Variants in ZNF600 observed in about 807,000 individuals in gnomAD.
The protein encoded by ZNF600 is zinc finger protein 600, also known as zinc finger protein KR-ZNF1.
A neutral mutation model predicts 7.3 loss-of-function variants in ZNF600; 4 were observed. The ratio of observed to expected loss-of-function variants is 0.55; its 90% CI spans 0.27 to 1.25. The LOEUF (loss-of-function observed/expected upper bound fraction) is 1.25. ZNF600 is among the 50% of genes most tolerant of loss of function. The pLI is 0.12. For synonymous variants in ZNF600, 290 were observed against 308.9 expected (o/e 0.94, Z 0.64); for missense variants, 911 against 922.1 (o/e 0.99, Z 0.16).
the ZNF600 span, among the ~76,000 whole-genome samples, chr19:52,827,909 C>T: frequency 1.7e-3 from 260 of 152,120 alleles, 1 homozygote; most frequent in South Asian, 3.1e-3. Context: ...TGCGAGCAAA[C>T]GTGTCACGCA....
chr19:52,800,152 G>C, the ZNF600 span: 11 of 1,613,776 alleles, frequency 6.8e-6, no homozygotes, highest in Non-Finnish European at 8.5e-7. Context: ...CTTTCCATGT[G>C]TGATTTGCGA....
In ZNF600 at chr19:52,780,588, A is replaced by C. The variant is rs1179481903; in HGVS notation, c.-19-1681T>G. On this transcript the variant is annotated intron_variant, in intron 1 of 3. It adds an upstream start codon to the 5' untranslated region. Transcript: ENST00000648973. ...ACATGTTTCTCCCACAACCTTAAAG[A>C]ATTTTGAAAGTCGACTGTGATCCCA... The C allele has an allele frequency of 6.6e-6, 1 of 152,116 alleles. No homozygotes were observed. Among genetic ancestry groups the C allele is most frequent in the Admixed American group, 6.6e-5 (1 of 15,256 alleles). 9.4% of individuals were successfully genotyped at this position (152,116 alleles called of 1,614,324 possible).
upstream of ZNF600, among the ~76,000 whole-genome samples, chr19:52,788,550 A>T (rs1185484216): frequency 6.6e-6 from 1 of 152,186 alleles, no homozygotes; most frequent in Admixed American, 6.5e-5. Context: ...ACCAGAGATT[A>T]TGTGGAGATA....
chr19:52,810,831 A>T, the ZNF600 span: 1 of 254,454 alleles, frequency 3.9e-6, no homozygotes. Flanking sequence ...TATATTTTTA[A>T]AAAAAGAGTC....
Position 52,778,916 on chromosome 19 carries a change from GA to G in ZNF600, c.-19-10del. On this transcript the variant is annotated splice_polypyrimidine_tract_variant and intron_variant, in intron 1 of 3. Coordinates refer to ENST00000648973, the Ensembl canonical transcript of ZNF600. Reference sequence around the variant, plus strand: ...GTCTTTAGGAATCAATCCTGTATGTGAAAAAAAATGAGACTTCTTGTTAGAA... The same window carrying G: ...GTCTTTAGGAATCAATCCTGTATGTGAAAAAAATGAGACTTCTTGTTAGAA... 67 of 1,574,374 alleles carry G rather than the reference GA, an allele frequency of 4.3e-5. No homozygotes were observed. The highest frequency in any genetic ancestry group is 1.2e-4 in the South Asian group (10 of 86,224).
At chr19:52,806,659 T>G in the ZNF600 span, among the ~76,000 whole-genome samples, 2 of 149,370 alleles carry the variant, frequency 1.3e-5, no homozygotes, top group Admixed American at 6.7e-5. Flanking sequence ...CCCAGTGTTT[T>G]GGGAATCTGA....
chr19:52,787,253 C>A (rs567335363), upstream of ZNF600, among the ~76,000 whole-genome samples: 11 of 151,880 alleles, frequency 7.2e-5, no homozygotes. Flanking sequence ...AGCAGGGATG[C>A]GGGCACGAGG....
At chr19:52,779,724 T>C (rs972948172) in intron 1 of ZNF600, among the ~76,000 whole-genome samples, 3 of 152,110 alleles carry the variant, frequency 2.0e-5, no homozygotes, top group Non-Finnish European at 4.4e-5. Flanking sequence ...CATGTCTGAG[T>C]GCCTCCTTCG....
the ZNF600 span, chr19:52,801,127 C>T: frequency 1.2e-6 from 2 of 1,613,926 alleles, no homozygotes; most frequent in African/African-American, 1.3e-5. Context: ...CATTGTTTCT[C>T]TTCTAAGTGG....
At chr19:52,821,761 G>A in the ZNF600 span, 1 of 152,180 alleles carries the variant, frequency 6.6e-6, no homozygotes, top group Admixed American at 6.5e-5. Flanking sequence ...CCCGCAGAGG[G>A]CGGGGCCGGA....
chr19:52,772,250 G>A (rs529855317), intron 3 of ZNF600, among the ~76,000 whole-genome samples: 1 of 152,214 alleles, frequency 6.6e-6, no homozygotes, highest in Admixed American at 6.6e-5. Flanking sequence ...GGAGGTTGCG[G>A]TGAGCTGAGA....
intron 1 of ZNF600, among the ~76,000 whole-genome samples, chr19:52,782,396 G>A (rs750837230): frequency 2.6e-5 from 4 of 151,640 alleles, no homozygotes; most frequent in Non-Finnish European, 5.9e-5. Context: ...GGTGGTGCGT[G>A]CCTGTAATCA....
the ZNF600 span, among the ~76,000 whole-genome samples, chr19:52,817,038 C>T: frequency 6.6e-6 from 1 of 151,044 alleles, no homozygotes; most frequent in Admixed American, 6.6e-5. Flanking sequence ...GGTTGAATGA[C>T]TCTCCTGCTA....
chr19:52,831,413 A>G, the ZNF600 span, among the ~76,000 whole-genome samples: 5 of 151,724 alleles, frequency 3.3e-5, no homozygotes, highest in South Asian at 1.0e-3. Flanking sequence ...AGGTTTAAGC[A>G]ATTCTCTTGC....
At chr19:52,796,005 T>A in the ZNF600 span, among the ~76,000 whole-genome samples, 1 of 152,070 alleles carries the variant, frequency 6.6e-6, no homozygotes, top group Admixed American at 6.5e-5. Flanking sequence ...TGAAAGCCCA[T>A]CTCTACTAGG....
chr19:52,805,433 G>C, the ZNF600 span: 4 of 151,584 alleles, frequency 2.6e-5, no homozygotes, highest in African/African-American at 9.7e-5. Flanking sequence ...GACTATCCTG[G>C]CCAACCAACA....
intron 1 of ZNF600, among the ~76,000 whole-genome samples, chr19:52,782,245 T>G (rs2062728507): frequency 1.3e-5 from 2 of 151,948 alleles, no homozygotes; most frequent in South Asian, 4.1e-4. Flanking sequence ...AATTAAAGGC[T>G]GGACGCAGCA....
the ZNF600 span, among the ~76,000 whole-genome samples, chr19:52,822,636 A>C: frequency 6.6e-6 from 1 of 152,172 alleles, no homozygotes; most frequent in Non-Finnish European, 1.5e-5. Flanking sequence ...TCCTCAGGGA[A>C]GATTAGTTGA....
At chr19:52,817,825 G>A in the ZNF600 span, 2 of 1,563,328 alleles carry the variant, frequency 1.3e-6, no homozygotes, top group Non-Finnish European at 1.7e-6. Flanking sequence ...GAAGGCATGG[G>A]TGAGGGTGAG....
Sources: gnomAD v4.1 joint callset for allele counts (sites outside exome capture counted in the v4.1 genomes callset) on GRCh38, gnomAD v4.1.1 for gene constraint, MANE v1.5 for transcripts, NCBI Gene and HGNC (gene_info 2026-07-23, HGNC 2026-07-21) for gene names.